Variants in INVS observed in about 807,000 individuals in gnomAD.
INVS encodes the protein inversion of embryo turning homolog.
Under a neutral mutation model 108.8 loss-of-function variants are expected in INVS, and 86 were observed. That is an observed-to-expected ratio of 0.79 (90% confidence interval 0.66 to 0.95). The LOEUF is 0.95. Among genes scored for constraint, INVS ranks in the 40% least tolerant of loss-of-function variants. The probability of loss-of-function intolerance (pLI) is 0.00; values close to 1 mark genes in which losing one functional copy is unlikely to be tolerated. For synonymous variants in INVS, 455 were observed against 473.5 expected, an observed-to-expected ratio of 0.96 and a Z score of 0.51; for missense variants, 1,169 against 1,297.4, an observed-to-expected ratio of 0.90 and a Z score of 1.52.
At chr9:100,117,302 G>A in intron 2 of INVS, 1 of 727,834 alleles carries the variant, frequency 1.4e-6, no homozygotes, top group Non-Finnish European at 2.5e-6. Context: ...CTTCTGCACC[G>A]GCGTAACCTT....
In INVS at chr9:100,284,376, G is replaced by C. The variant is rs1400869259; in HGVS notation, c.1841G>C (p.Ser614Thr). 3.1e-6 allele frequency: 5 copies of C among 1,613,700 alleles called. No individual in the cohort carries two copies. Among genetic ancestry groups the C allele is most frequent in the African/African-American group, 1.3e-5 (1 of 74,954 alleles). Residue 614 changes from serine to threonine, a missense_variant, in exon 13 of 17, where the codon AGC becomes ACC. This residue lies in a region of INVS where 271 missense variants were observed against 363.8 expected (regional missense o/e 0.74). Transcript: ENST00000262457. ...KEAEQQKGRR[S>T]PDSCRPQALP... The stretch of plus-strand genomic sequence containing the variant: ...GCAGAACAGCAAAAAGGAAGGCGGA[G>C]CCCAGATTCCTGCAGACCCCAGGCC...
At chr9:100,244,298 C>G (rs1212558667) in intron 7 of INVS, among the ~76,000 whole-genome samples, 1 of 152,072 alleles carries the variant, frequency 6.6e-6, no homozygotes, top group African/African-American at 2.4e-5. Flanking sequence ...AGGAAATTAA[C>G]CTGACCGAGT....
At chr9:100,274,472 A>G (rs12338225) in intron 12 of INVS, among the ~76,000 whole-genome samples, 1 of 152,270 alleles carries the variant, frequency 6.6e-6, no homozygotes, top group Non-Finnish European at 1.5e-5. Context: ...TAGCAAATAC[A>G]GATACCAAAA....
At chr9:100,254,604 G>A (rs1219705290) in intron 10 of INVS, among the ~76,000 whole-genome samples, 1 of 152,140 alleles carries the variant, frequency 6.6e-6, no homozygotes, top group Non-Finnish European at 1.5e-5. Context: ...TAAGGTATAA[G>A]GAAGGGATCC....
At chr9:100,298,031 C>T (rs761724222) in intron 16 of INVS, 21 bp downstream of exon 16, 6 of 1,614,014 alleles carry the variant, frequency 3.7e-6, no homozygotes, top group Non-Finnish European at 5.1e-6. Flanking sequence ...CACTGCAAAG[C>T]AGATGGTGGG....
chr9:100,242,468 T>C, intron 6 of INVS, 102 bp from the exon 7 acceptor site: 3 of 724,462 alleles, frequency 4.1e-6, no homozygotes, highest in Non-Finnish European at 7.5e-6. Context: ...TTGTGAATGC[T>C]GTATTATGTT....
intron 10 of INVS, among the ~76,000 whole-genome samples, chr9:100,258,214 A>G (rs953143645): frequency 6.6e-6 from 1 of 152,146 alleles, no homozygotes; most frequent in Admixed American, 6.6e-5. Context: ...AAGCTTGTGC[A>G]TGCCTCATGT....
At chr9:100,287,431 TAAAC>T (rs1261072601) in intron 13 of INVS, among the ~76,000 whole-genome samples, 1 of 152,216 alleles carries the variant, frequency 6.6e-6, no homozygotes, top group Non-Finnish European at 1.5e-5. Context: ...TTTTGGCTAT[TAAAC>T]AATCTGTCAT....
intron 5 of INVS, among the ~76,000 whole-genome samples, chr9:100,236,847 C>A (rs1054996702): frequency 6.6e-6 from 1 of 152,208 alleles, no homozygotes; most frequent in Non-Finnish European, 1.5e-5. Context: ...CAGGGACCCA[C>A]TTGGGGAGGC....
chr9:100,280,724 C>T (rs1833249293), intron 12 of INVS, among the ~76,000 whole-genome samples: 1 of 151,976 alleles, frequency 6.6e-6, no homozygotes, highest in Non-Finnish European at 1.5e-5. Flanking sequence ...TTCATCATAA[C>T]TTAAGAAAAA....
intron 12 of INVS, among the ~76,000 whole-genome samples, chr9:100,273,398 C>G (rs1833013404): frequency 6.6e-6 from 1 of 152,058 alleles, no homozygotes; most frequent in Non-Finnish European, 1.5e-5. Flanking sequence ...AAAGAAATAA[C>G]TGCTCCTCTT....
At chr9:100,174,846 A>G (rs1428792648) in intron 3 of INVS, among the ~76,000 whole-genome samples, 1 of 152,170 alleles carries the variant, frequency 6.6e-6, no homozygotes, top group Non-Finnish European at 1.5e-5. Flanking sequence ...CAGGAGGAGG[A>G]GGTTGCAGTG....
chr9:100,154,331 A>ATTTTTTTT lies in INVS; in HGVS notation c.273+27803_273+27810dup, dbSNP rs780090630. Among the ~76,000 whole-genome samples the ATTTTTTTT allele has an allele frequency of 4.4e-4, 30 of 68,570 alleles. 2 individuals carry two copies. The highest frequency in any genetic ancestry group is 1.5e-3 in the African/African-American group (19 of 12,992). 45.0% of individuals were successfully genotyped at this position (68,570 alleles called of 152,430 possible). On this transcript the variant is annotated intron_variant, in intron 3 of 16. Coordinates refer to ENST00000262457, the MANE Select transcript of INVS (RefSeq NM_014425.5). ...AGGTGTGTGCCACCACAACCGACTAATTTTTTTTTTTTTTTTTTTTTTTTT... is the reference window on the plus strand; with the variant it reads ...AGGTGTGTGCCACCACAACCGACTAATTTTTTTTTTTTTTTTTTTTTTTTTTTTTTTTT...
intron 3 of INVS, among the ~76,000 whole-genome samples, chr9:100,154,074 A>C (rs1564135334): frequency 6.6e-6 from 1 of 152,192 alleles, no homozygotes; most frequent in African/African-American, 2.4e-5. Context: ...TATTCTATAC[A>C]TATGTGGTAA....
At chr9:100,106,283 C>A (rs1027257130) in intron 2 of INVS, among the ~76,000 whole-genome samples, 13 of 152,190 alleles carry the variant, frequency 8.5e-5, no homozygotes, top group Non-Finnish European at 1.9e-4. Flanking sequence ...CACACATGCT[C>A]TGTGTTCCAT....
chr9:100,251,935 C>T (rs1431879229), intron 8 of INVS, among the ~76,000 whole-genome samples: 1 of 152,092 alleles, frequency 6.6e-6, no homozygotes, highest in Non-Finnish European at 1.5e-5. Context: ...TTAAATCATT[C>T]CTCTTTGTTA....
chr9:100,267,866 TA>T (rs1462035357), intron 11 of INVS, among the ~76,000 whole-genome samples: 1 of 152,226 alleles, frequency 6.6e-6, no homozygotes. Context: ...TACAAAAATA[TA>T]TTTTTTGAGA....
chr9:100,158,671 A>C (rs1588048145), intron 3 of INVS, among the ~76,000 whole-genome samples: 1 of 152,230 alleles, frequency 6.6e-6, no homozygotes, highest in African/African-American at 2.4e-5. Context: ...ACTTTGGGGA[A>C]TACAAAGGTG....
intron 3 of INVS, among the ~76,000 whole-genome samples, chr9:100,211,266 A>T (rs1434252562): frequency 2.6e-5 from 4 of 152,240 alleles, no homozygotes; most frequent in African/African-American, 9.6e-5. Flanking sequence ...AAATCAGAGT[A>T]CCTCACAAGC....
Sources: allele counts gnomAD v4.1 joint callset (sites outside exome capture counted in the v4.1 genomes callset), GRCh38; gene constraint gnomAD v4.1.1; regional missense constraint gnomAD v4.1.1; transcripts MANE v1.5; gene names NCBI Gene and HGNC (gene_info 2026-07-23, HGNC 2026-07-21).